Variants in RNF17 observed in about 807,000 individuals in gnomAD.
RNF17 encodes the protein spermatogenesis associated 23.
RNF17 carries 31 observed loss-of-function variants against 200.5 expected under a neutral mutation model. That is an observed-to-expected ratio of 0.15 (90% CI 0.12 to 0.21). The LOEUF is 0.21. Ranked by LOEUF, RNF17 falls within the 10% of genes least tolerant of loss-of-function variation. The pLI, the probability that RNF17 is intolerant of heterozygous loss-of-function variation, is 1.00. For missense variants in RNF17, 1,628 were observed against 1,905.1 expected, an observed-to-expected ratio of 0.85 and a Z score of 2.71; for synonymous variants, 606 against 637.8, an observed-to-expected ratio of 0.95 and a Z score of 0.75.
the RNF17 span, chr13:24,751,169 C>T: frequency 6.6e-6 from 1 of 152,086 alleles, no homozygotes; most frequent in Non-Finnish European, 1.5e-5. Context: ...GCTTTCTTCG[C>T]AGGCCTGTCA....
the RNF17 span, among the ~76,000 whole-genome samples, chr13:24,888,225 T>C: frequency 1.9e-4 from 29 of 152,100 alleles, no homozygotes; most frequent in Non-Finnish European, 3.2e-4. Context: ...TTTAAAAGAC[T>C]AGTAAATTCA....
At chr13:24,831,697 T>G (rs1889428553) in intron 17 of RNF17, among the ~76,000 whole-genome samples, 161 bp from the exon 18 acceptor site, 1 of 152,250 alleles carries the variant, frequency 6.6e-6, no homozygotes, top group African/African-American at 2.4e-5. Flanking sequence ...TTTGTGTTTA[T>G]AAAGTACTTT....
chr13:24,830,965 T>C (rs1326046069), intron 17 of RNF17, among the ~76,000 whole-genome samples: 1 of 152,190 alleles, frequency 6.6e-6, no homozygotes, highest in African/African-American at 2.4e-5. Context: ...GTGTGTACAA[T>C]AGAGAAACCT....
intron 15 of RNF17, among the ~76,000 whole-genome samples, chr13:24,804,855 G>A (rs1311144447): frequency 6.6e-6 from 1 of 152,126 alleles, no homozygotes; most frequent in Non-Finnish European, 1.5e-5. Flanking sequence ...TGTTTAGATA[G>A]TAACAATAAT....
chr13:24,823,651 A>G (rs1451843465), intron 15 of RNF17, among the ~76,000 whole-genome samples: 1 of 152,172 alleles, frequency 6.6e-6, no homozygotes, highest in Non-Finnish European at 1.5e-5. Context: ...GCCTGAGGTC[A>G]TAGTTAAAGT....
chr13:24,871,790 G>A (rs182569834), intron 32 of RNF17, among the ~76,000 whole-genome samples: 4 of 151,526 alleles, frequency 2.6e-5, no homozygotes, highest in Admixed American at 2.0e-4. Flanking sequence ...GCGCCACCAC[G>A]CCCAGCTAAT....
At chr13:24,787,679 G>A (rs1883297863) in intron 6 of RNF17, among the ~76,000 whole-genome samples, 1 of 152,028 alleles carries the variant, frequency 6.6e-6, no homozygotes, top group African/African-American at 2.4e-5. Context: ...GCCTTAGATG[G>A]TCTATTGTAT....
chr13:24,875,380 G>A (rs777587658), intron 33 of RNF17, among the ~76,000 whole-genome samples: 1 of 152,136 alleles, frequency 6.6e-6, no homozygotes, highest in African/African-American at 2.4e-5. Context: ...TGTTGAAGAT[G>A]AAGCCCATAG....
At chr13:24,832,003 G>A (rs376884898) in intron 18 of RNF17, 25 bp downstream of exon 18, 34 of 1,435,662 alleles carry the variant, frequency 2.4e-5, no homozygotes, top group Admixed American at 4.3e-5. Context: ...TACTTGTTAT[G>A]TAATCACATA....
intron 15 of RNF17, among the ~76,000 whole-genome samples, chr13:24,812,684 C>CT (rs756197370): frequency 9.2e-5 from 8 of 86,898 alleles, no homozygotes; most frequent in South Asian, 5.1e-4. Context: ...GCCCCACCCC[C>CT]TTTTTTTTTT....
chr13:24,797,404 A>G (rs1884693233), intron 11 of RNF17, among the ~76,000 whole-genome samples: 1 of 152,188 alleles, frequency 6.6e-6, no homozygotes, highest in Non-Finnish European at 1.5e-5. Flanking sequence ...GTACTTCATC[A>G]TGAAGAACAG....
chr13:24,844,382 A>G (rs1041721279), intron 20 of RNF17, among the ~76,000 whole-genome samples: 1 of 152,174 alleles, frequency 6.6e-6, no homozygotes, highest in Non-Finnish European at 1.5e-5. Flanking sequence ...AGGATGGTCA[A>G]AGAAGACCTC....
intron 3 of RNF17, among the ~76,000 whole-genome samples, chr13:24,776,621 C>T (rs1377569371): frequency 6.6e-6 from 1 of 152,106 alleles, no homozygotes; most frequent in Non-Finnish European, 1.5e-5. Flanking sequence ...CATGGAGTAG[C>T]CATTTTTATC....
intron 17 of RNF17, among the ~76,000 whole-genome samples, chr13:24,831,383 G>A (rs142292580): frequency 0.02 from 3,083 of 152,070 alleles, 57 homozygotes; most frequent in South Asian, 0.039. Context: ...CGGAGGTTGC[G>A]GTGAACCAAG....
At chr13:24,769,488 G>GC (rs966758193) in intron 2 of RNF17, among the ~76,000 whole-genome samples, 9 of 152,146 alleles carry the variant, frequency 5.9e-5, no homozygotes, top group Admixed American at 2.0e-4. Context: ...GCACTGGTGA[G>GC]CTGGGCCCTA....
chr13:24,883,133 CAT>C (rs1491096072), downstream of RNF17: 276 of 1,491,450 alleles, frequency 1.9e-4, 2 homozygotes, highest in East Asian at 5.4e-3. Flanking sequence ...CATTTTTTAA[CAT>C]AAAAAGTCAG....
chr13:24,851,190 C>T (rs1160609026), intron 23 of RNF17, among the ~76,000 whole-genome samples: 1 of 152,174 alleles, frequency 6.6e-6, no homozygotes, highest in Non-Finnish European at 1.5e-5. Flanking sequence ...GACGGGGTTT[C>T]CCCATGTTGG....
intron 18 of RNF17, among the ~76,000 whole-genome samples, chr13:24,841,051 T>G (rs916596719): frequency 6.6e-6 from 1 of 152,204 alleles, no homozygotes; most frequent in Non-Finnish European, 1.5e-5. Flanking sequence ...GTGCATTTTT[T>G]AGAGATGTTT....
intron 2 of RNF17, among the ~76,000 whole-genome samples, chr13:24,768,575 C>T (rs1175146770): frequency 7.9e-5 from 12 of 152,092 alleles, no homozygotes; most frequent in Non-Finnish European, 1.2e-4. Flanking sequence ...TGAGCCACCG[C>T]GCCTGGCCAA....
Sources: allele counts gnomAD v4.1 joint callset (sites outside exome capture counted in the v4.1 genomes callset), GRCh38; gene constraint gnomAD v4.1.1; transcripts MANE v1.5; gene names NCBI Gene and HGNC (gene_info 2026-07-23, HGNC 2026-07-21).